FARS2: variants seen among roughly 807,000 people sequenced by gnomAD.
FARS2 encodes phenylalanyl-tRNA synthetase 2, mitochondrial.
In FARS2, 40 loss-of-function variants were observed where a neutral mutation model predicts 46.4. The ratio of observed to expected loss-of-function variants is 0.86; its 90% CI spans 0.67 to 1.12. The LOEUF (loss-of-function observed/expected upper bound fraction) is 1.12, where lower values mean the gene tolerates loss of function less well. Ranked by LOEUF, FARS2 falls within the 50% of genes most tolerant of loss-of-function variation. The pLI is 0.00. For synonymous variants in FARS2, 234 were observed against 214.9 expected, an observed-to-expected ratio of 1.09 and a Z score of -0.78; for missense variants, 513 against 567.9, an observed-to-expected ratio of 0.90 and a Z score of 0.98.
At chr6:5,383,269 A>G (rs1369389429) in intron 2 of FARS2, among the ~76,000 whole-genome samples, 1 of 152,206 alleles carries the variant, frequency 6.6e-6, no homozygotes, top group Non-Finnish European at 1.5e-5. Context: ...AATAGCCTCT[A>G]TTTGTACATA....
intron 4 of FARS2, among the ~76,000 whole-genome samples, chr6:5,539,446 A>C (rs1368496149): frequency 1.4e-5 from 2 of 144,584 alleles, no homozygotes; most frequent in African/African-American, 5.3e-5. Flanking sequence ...GTTAGCCAGG[A>C]TGGTTTCAAT....
At chr6:5,341,194 T>G (rs1561969533) in intron 1 of FARS2, among the ~76,000 whole-genome samples, 7 of 7,764 alleles carry the variant, frequency 9.0e-4, no homozygotes, top group African/African-American at 2.7e-3. Flanking sequence ...GGGAGATATA[T>G]ATATATATAT....
At chr6:5,366,710 C>CTGCAT (rs1758702901) in intron 1 of FARS2, among the ~76,000 whole-genome samples, 1 of 152,116 alleles carries the variant, frequency 6.6e-6, no homozygotes, top group Non-Finnish European at 1.5e-5. Flanking sequence ...TCGACAGCAG[C>CTGCAT]CCACAAATAA....
At chr6:5,694,644 C>T (rs1230724472) in intron 6 of FARS2, among the ~76,000 whole-genome samples, 1 of 152,052 alleles carries the variant, frequency 6.6e-6, no homozygotes, top group Non-Finnish European at 1.5e-5. Context: ...TCTCTATGTT[C>T]TAAAGGACTC....
intron 1 of FARS2, among the ~76,000 whole-genome samples, chr6:5,312,271 T>G (rs1769129615): frequency 6.6e-6 from 1 of 152,228 alleles, no homozygotes; most frequent in Non-Finnish European, 1.5e-5. Flanking sequence ...TAAGAATTTA[T>G]TTTAGGCTTT....
chr6:5,540,803 G>A (rs1197623107), intron 4 of FARS2, among the ~76,000 whole-genome samples: 1 of 152,182 alleles, frequency 6.6e-6, no homozygotes, highest in Non-Finnish European at 1.5e-5. Flanking sequence ...AGGGTCAGAG[G>A]AAGAATCTCA....
At chr6:5,753,851 T>TGA (rs1762075253) in intron 6 of FARS2, among the ~76,000 whole-genome samples, 2 of 152,186 alleles carry the variant, frequency 1.3e-5, no homozygotes. Context: ...ATGGTGGTGC[T>TGA]GAGAGAGGAC....
intron 2 of FARS2, among the ~76,000 whole-genome samples, chr6:5,385,734 A>G (rs550909020): frequency 5.9e-5 from 9 of 152,026 alleles, no homozygotes; most frequent in Non-Finnish European, 7.4e-5. Context: ...GGGTGTTTCT[A>G]TGGTAAGAAA....
chr6:5,602,476 A>G (rs9504445), intron 5 of FARS2, among the ~76,000 whole-genome samples: 41,393 of 151,494 alleles, frequency 0.27, 6,318 homozygotes, highest in African/African-American at 0.41. Flanking sequence ...GTAAAACCCC[A>G]TCTCTACTAA....
chr6:5,454,321 A>G (rs1052542381), intron 4 of FARS2, among the ~76,000 whole-genome samples: 7 of 151,960 alleles, frequency 4.6e-5, no homozygotes, highest in African/African-American at 1.7e-4. Context: ...TGAAAATATC[A>G]ACACTTGTTT....
chr6:5,477,419 G>T (rs952443201), intron 4 of FARS2, among the ~76,000 whole-genome samples: 2 of 152,182 alleles, frequency 1.3e-5, no homozygotes, highest in Non-Finnish European at 2.9e-5. Flanking sequence ...TGACCCATGA[G>T]AACAGGGTTG....
intron 4 of FARS2, among the ~76,000 whole-genome samples, chr6:5,432,390 AT>A (rs1399035341): frequency 1.6e-5 from 2 of 127,562 alleles, no homozygotes; most frequent in Non-Finnish European, 3.2e-5. Flanking sequence ...TATATTATAC[AT>A]TATATATATT....
chr6:5,663,145 A>G (rs1777927069), intron 6 of FARS2, among the ~76,000 whole-genome samples: 1 of 152,190 alleles, frequency 6.6e-6, no homozygotes, highest in East Asian at 1.9e-4. Flanking sequence ...GTTCACAGTA[A>G]TAAGATTTTA....
intron 5 of FARS2, among the ~76,000 whole-genome samples, chr6:5,606,739 C>T (rs974324191): frequency 2.6e-5 from 4 of 152,096 alleles, no homozygotes; most frequent in Non-Finnish European, 4.4e-5. Flanking sequence ...AGTTCAATAG[C>T]GGGGAGGTGG....
chr6:5,615,147 T>G (rs898732112), intron 6 of FARS2, among the ~76,000 whole-genome samples: 19 of 152,362 alleles, frequency 1.2e-4, no homozygotes, highest in African/African-American at 4.6e-4. Flanking sequence ...GGACTCTTAT[T>G]TATTTTAGGA....
At chr6:5,745,827 A>G (rs183011454) in intron 6 of FARS2, among the ~76,000 whole-genome samples, 31 of 152,232 alleles carry the variant, frequency 2.0e-4, no homozygotes, top group African/African-American at 6.8e-4. Flanking sequence ...GGTGTGAGCC[A>G]CTGCACCCCA....
At chr6:5,336,018 T>TGA in intron 1 of FARS2, among the ~76,000 whole-genome samples, 1 of 152,306 alleles carries the variant, frequency 6.6e-6, no homozygotes, top group African/African-American at 2.4e-5. Context: ...ACTTGCCCAC[T>TGA]GTCTTTCTAG....
intron 6 of FARS2, among the ~76,000 whole-genome samples, chr6:5,679,571 T>A (rs541675921): frequency 1.3e-5 from 2 of 152,146 alleles, no homozygotes; most frequent in Non-Finnish European, 2.9e-5. Flanking sequence ...TACCTCCCTC[T>A]TTTCCCAGGG....
intron 3 of FARS2, among the ~76,000 whole-genome samples, chr6:5,430,493 T>C (rs1763097374): frequency 6.6e-6 from 1 of 152,076 alleles, no homozygotes; most frequent in Non-Finnish European, 1.5e-5. Flanking sequence ...TGTTGGACTT[T>C]AAAAATGTTT....
Sources: gnomAD v4.1 joint callset for allele counts (sites outside exome capture counted in the v4.1 genomes callset) on GRCh38, gnomAD v4.1.1 for gene constraint, MANE v1.5 for transcripts, NCBI Gene and HGNC (gene_info 2026-07-23, HGNC 2026-07-21) for gene names.